The following ARMH3 variants were observed in gnomAD, a reference collection of about 807,000 sequenced individuals.
ARMH3 encodes the protein armadillo-like helical domain-containing protein 3.
ARMH3 carries 60 observed loss-of-function variants against 99.1 expected under a neutral mutation model. The observed-to-expected ratio is 0.61, with a 90% CI of 0.49 to 0.75. The LOEUF (loss-of-function observed/expected upper bound fraction) is 0.75, where lower values mean the gene tolerates loss of function less well. ARMH3 is among the 30% of genes least tolerant of loss of function. The probability of loss-of-function intolerance (pLI) is 0.00; values close to 1 mark genes in which losing one functional copy is unlikely to be tolerated. For missense variants in ARMH3, 679 were observed against 843.1 expected, an observed-to-expected ratio of 0.81 and a Z score of 2.41; for synonymous variants, 285 against 292.8, an observed-to-expected ratio of 0.97 and a Z score of 0.27.
At chr10:101,861,304 G>A (rs1180048299) in intron 24 of ARMH3, among the ~76,000 whole-genome samples, 1 of 152,044 alleles carries the variant, frequency 6.6e-6, no homozygotes, top group Admixed American at 6.5e-5. Flanking sequence ...TATTTGTGCT[G>A]ACAGGAAAAA....
intron 22 of ARMH3, among the ~76,000 whole-genome samples, chr10:101,943,166 G>A (rs901315539): frequency 3.9e-5 from 6 of 152,222 alleles, no homozygotes; most frequent in African/African-American, 1.4e-4. Context: ...GACATCTAGA[G>A]GATGTGGGGC....
intron 6 of ARMH3, 96 bp from the exon 7 acceptor site, chr10:102,023,845 A>G (rs2066941908): frequency 1.7e-6 from 2 of 1,175,030 alleles, no homozygotes; most frequent in East Asian, 4.7e-5. Flanking sequence ...CAAAAATATT[A>G]AAATATTTCT....
At chr10:101,947,174 G>A (rs996785511) in intron 22 of ARMH3, among the ~76,000 whole-genome samples, 4 of 151,402 alleles carry the variant, frequency 2.6e-5, no homozygotes, top group South Asian at 2.1e-4. Flanking sequence ...GCGACAGAGC[G>A]AGACTCTGTC....
chr10:101,952,319 A>C (rs2135784519), intron 22 of ARMH3, among the ~76,000 whole-genome samples: 1 of 152,282 alleles, frequency 6.6e-6, no homozygotes, highest in Admixed American at 6.5e-5. Flanking sequence ...CCATGAGTAA[A>C]ACACAAGACA....
intron 1 of ARMH3, among the ~76,000 whole-genome samples, chr10:102,040,352 G>A (rs2067380741): frequency 6.6e-6 from 1 of 152,190 alleles, no homozygotes; most frequent in African/African-American, 2.4e-5. Context: ...GGCAATGCAT[G>A]TGTGAAGGAA....
intron 2 of ARMH3, among the ~76,000 whole-genome samples, chr10:102,036,499 AC>A (rs2067276399): frequency 6.6e-6 from 1 of 152,134 alleles, no homozygotes; most frequent in Non-Finnish European, 1.5e-5. Flanking sequence ...AAAGTAGAAG[AC>A]ATGGGAGACT....
intron 19 of ARMH3, among the ~76,000 whole-genome samples, chr10:101,982,021 CAAA>C (rs71016356): frequency 1.7e-5 from 1 of 58,990 alleles, no homozygotes; most frequent in Admixed American, 2.2e-4. Context: ...GACTCTATCT[CAAA>C]AAAAAAAAAA....
At chr10:101,860,860 T>G (rs969451811) in intron 24 of ARMH3, among the ~76,000 whole-genome samples, 1 of 152,180 alleles carries the variant, frequency 6.6e-6, no homozygotes, top group Non-Finnish European at 1.5e-5. Context: ...CAAATGAAGA[T>G]TTCAAAAATG....
In ARMH3 at chr10:101,944,273, TAGAGAG is replaced by T. The variant is rs55633048; in HGVS notation, c.1706-4341_1706-4336del. Among the ~76,000 whole-genome samples, 197 of 25,282 alleles carry T rather than the reference TAGAGAG, an allele frequency of 7.8e-3. 2 individuals carry two copies. The highest frequency in any genetic ancestry group is 0.018 in the Admixed American group (32 of 1,762). The allele number at this position is 25,282 out of a possible 152,430, so 16.6% of individuals were successfully genotyped here. The stretch of plus-strand genomic sequence containing the variant: ...ATATATATATATATATATATATATA[TAGAGAG>T]AGAGAGAGAGAGAGAGAGAGAGAGA... On this transcript the variant is annotated intron_variant, in intron 22 of 25. Coordinates refer to ENST00000370033, the MANE Select transcript of ARMH3 (RefSeq NM_024541.3).
chr10:101,855,226 CCTGG>C (rs929517458), intron 24 of ARMH3, among the ~76,000 whole-genome samples: 30 of 142,256 alleles, frequency 2.1e-4, no homozygotes, highest in African/African-American at 7.8e-4. Context: ...TGCCACCACT[CCTGG>C]CTAATTTTTG....
intron 23 of ARMH3, among the ~76,000 whole-genome samples, chr10:101,896,250 A>G (rs879565389): frequency 1.3e-5 from 2 of 152,130 alleles, no homozygotes; most frequent in Non-Finnish European, 2.9e-5. Context: ...AAACAAACAA[A>G]CAAACAAACA....
chr10:102,036,177 GC>G (rs2067259595), intron 2 of ARMH3, among the ~76,000 whole-genome samples: 1 of 135,640 alleles, frequency 7.4e-6, no homozygotes, highest in South Asian at 2.4e-4. Context: ...GTCAGCCCCC[GC>G]CCGGCCAGCC....
intron 22 of ARMH3, among the ~76,000 whole-genome samples, chr10:101,947,016 C>T (rs989541864): frequency 1.3e-5 from 2 of 151,782 alleles, no homozygotes; most frequent in Non-Finnish European, 2.9e-5. Context: ...GGTGAAACCC[C>T]GTCTCTACTA....
chr10:101,869,765 G>T (rs2067090796), intron 24 of ARMH3, among the ~76,000 whole-genome samples: 1 of 152,178 alleles, frequency 6.6e-6, no homozygotes, highest in African/African-American at 2.4e-5. Flanking sequence ...TGGGCATAGT[G>T]GTAACACCTG....
intron 15 of ARMH3, among the ~76,000 whole-genome samples, chr10:101,996,121 C>T (rs183091780): frequency 9.2e-5 from 14 of 152,318 alleles, no homozygotes; most frequent in African/African-American, 3.1e-4. Flanking sequence ...CTGCCAAGTA[C>T]GAGAACCCAT....
Position 101,865,210 on chromosome 10 carries a change from T to C in ARMH3, c.1861-15318A>G, listed in dbSNP as rs552610284. ...CAGCCTGGGCGACAGTGTGAGACTA[T>C]GTCTCAAAAAAAAAAAACAAAAACA... On this transcript the variant is annotated intron_variant, in intron 24 of 25. Transcript: ENST00000370033. Among the ~76,000 whole-genome samples the C allele has an allele frequency of 5.0e-5, 7 of 139,910 alleles. No homozygotes were observed. In the East Asian group the frequency reaches 1.5e-3, roughly 29 times the overall value. 91.8% of individuals were successfully genotyped at this position (139,910 alleles called of 152,430 possible).
chr10:101,857,629 G>C (rs140249818), intron 24 of ARMH3, among the ~76,000 whole-genome samples: 1 of 152,318 alleles, frequency 6.6e-6, no homozygotes, highest in East Asian at 1.9e-4. Flanking sequence ...TTGTCAGCCA[G>C]AAAGGCTGAA....
Position 102,006,682 on chromosome 10 carries a change from C to T in ARMH3, c.955-49G>A, listed in dbSNP as rs117621217. ...AAGAAAACAGAAAATCCAGTTCTCC[C>T]TGAGTATCAAGTGCCTAATACCAAT... On this transcript the variant is annotated intron_variant, in intron 13 of 25. Coordinates refer to ENST00000370033, the MANE Select transcript of ARMH3 (RefSeq NM_024541.3). 1.3e-4 allele frequency: 204 copies of T among 1,566,878 alleles called. 1 individual carries two copies. In the East Asian group the frequency reaches 4.6e-3, roughly 35 times the overall value.
intron 18 of ARMH3, 136 bp downstream of exon 18, chr10:101,991,833 T>C: frequency 1.1e-6 from 1 of 931,514 alleles, no homozygotes; most frequent in South Asian, 1.5e-5. Context: ...ATAAACATGA[T>C]TCTTAGGCCA....
Sources: gnomAD v4.1 joint callset for allele counts (sites outside exome capture counted in the v4.1 genomes callset) on GRCh38, gnomAD v4.1.1 for gene constraint, MANE v1.5 for transcripts, NCBI Gene and HGNC (gene_info 2026-07-23, HGNC 2026-07-21) for gene names.